Variants in STX8 observed in about 807,000 individuals in gnomAD.
STX8 encodes syntaxin 8, also known as syntaxin-8.
In STX8, 23 loss-of-function variants were observed where a neutral mutation model predicts 37.5. The ratio of observed to expected loss-of-function variants is 0.61; its 90% CI spans 0.44 to 0.87. STX8 has a LOEUF of 0.87. Ranked by LOEUF, STX8 falls within the 40% of genes least tolerant of loss-of-function variation. The pLI, the probability that STX8 is intolerant of heterozygous loss-of-function variation, is 0.00. For synonymous variants in STX8, 115 were observed against 99.1 expected, an observed-to-expected ratio of 1.16 and a Z score of -0.95; for missense variants, 313 against 284.7, an observed-to-expected ratio of 1.10 and a Z score of -0.71.
chr17:9,331,844 C>T (rs1425160306), intron 7 of STX8, among the ~76,000 whole-genome samples: 1 of 152,004 alleles, frequency 6.6e-6, no homozygotes, highest in Non-Finnish European at 1.5e-5. Context: ...CCAGCAACGT[C>T]TGGCAGACAA....
chr17:9,310,690 G>C (rs1597597586), intron 7 of STX8, among the ~76,000 whole-genome samples: 1 of 152,112 alleles, frequency 6.6e-6, no homozygotes, highest in African/African-American at 2.4e-5. Flanking sequence ...GTTCTCATTT[G>C]ATTTATAGTA....
At chr17:9,372,517 G>A (rs572899743) in intron 7 of STX8, among the ~76,000 whole-genome samples, 2 of 151,338 alleles carry the variant, frequency 1.3e-5, no homozygotes, top group African/African-American at 4.8e-5. Flanking sequence ...ATGCTTTTTT[G>A]CCCAGGCTGG....
At position 9,387,041 on chromosome 17, in the gene STX8, C is replaced by T. The variant is rs918613111; in HGVS notation, c.542-8388G>A. Among the ~76,000 whole-genome samples, 5 of 151,932 alleles carry T rather than the reference C, an allele frequency of 3.3e-5. No individual in the cohort carries two copies. The East Asian group carries it at 9.7e-4, about 29-fold the overall frequency. ...CCCCTTAAGTATTTCTAGACCAACA[C>T]AATATCAGTGTTCTTTCCTTCATAA... On this transcript the variant is annotated intron_variant, in intron 6 of 7. Transcript: ENST00000306357.
At chr17:9,499,884 ACT>A (rs1401292628) in intron 5 of STX8, among the ~76,000 whole-genome samples, 10 of 152,316 alleles carry the variant, frequency 6.6e-5, no homozygotes, top group Admixed American at 6.5e-4. Flanking sequence ...ATCCTCTCAC[ACT>A]GACCTAAAGC....
intron 7 of STX8, among the ~76,000 whole-genome samples, chr17:9,341,924 G>A (rs1910373705): frequency 6.6e-6 from 1 of 152,180 alleles, no homozygotes; most frequent in Non-Finnish European, 1.5e-5. Context: ...ACGAGACCAT[G>A]TAGAGAGACC....
chr17:9,363,613 C>T (rs926795212), intron 7 of STX8, among the ~76,000 whole-genome samples: 15 of 152,174 alleles, frequency 9.9e-5, no homozygotes, highest in African/African-American at 3.4e-4. Flanking sequence ...TACCAGAAAA[C>T]GCGTACAAAC....
At chr17:9,269,186 CAAA>C (rs34395133) in intron 7 of STX8, among the ~76,000 whole-genome samples, 8 of 124,082 alleles carry the variant, frequency 6.4e-5, no homozygotes, top group African/African-American at 8.6e-5. Flanking sequence ...GACTCCGTCT[CAAA>C]AAAAAAAAAA....
In STX8 at chr17:9,273,485, C is replaced by G. The variant is rs921802115; in HGVS notation, c.644-22840G>C. 2.0e-5 allele frequency: 3 copies of G among 152,686 alleles called. No homozygotes were observed. In the East Asian group the frequency reaches 5.8e-4, roughly 29 times the overall value. The allele number at this position is 152,686 out of a possible 1,614,324, so 9.5% of individuals were successfully genotyped here. On this transcript the variant is annotated intron_variant, in intron 7 of 7. Coordinates refer to ENST00000306357, the MANE Select transcript of STX8 (RefSeq NM_004853.3). ...AGGTCCTGGACCCAGTCTCCACCCCCAGCAGGGACCCCTCTCCCCACTGCC... is the reference window on the plus strand; with the variant it reads ...AGGTCCTGGACCCAGTCTCCACCCCGAGCAGGGACCCCTCTCCCCACTGCC...
intron 6 of STX8, among the ~76,000 whole-genome samples, chr17:9,417,248 G>A (rs1174312268): frequency 1.3e-5 from 2 of 152,160 alleles, no homozygotes; most frequent in Non-Finnish European, 2.9e-5. Context: ...TGTCTGTGTA[G>A]TGGGCAAAAA....
chr17:9,567,750 G>A (rs992891952), intron 2 of STX8, among the ~76,000 whole-genome samples: 15 of 152,220 alleles, frequency 9.9e-5, no homozygotes, highest in East Asian at 9.6e-4. Flanking sequence ...GCAGTGGCAC[G>A]ATCTTAGCTC....
At chr17:9,482,249 A>AT (rs148086656) in intron 6 of STX8, among the ~76,000 whole-genome samples, 2,056 of 150,148 alleles carry the variant, frequency 0.014, 32 homozygotes, top group African/African-American at 0.047. Context: ...CACCTACAGA[A>AT]TTTTTTTTTT....
intron 7 of STX8, among the ~76,000 whole-genome samples, chr17:9,262,466 T>G (rs749605102): frequency 1.1e-4 from 17 of 152,370 alleles, no homozygotes; most frequent in Non-Finnish European, 1.6e-4. Flanking sequence ...CTTGTCTTTA[T>G]ACTTGGTTGG....
At chr17:9,466,060 T>C (rs1041078563) in intron 6 of STX8, among the ~76,000 whole-genome samples, 4 of 152,064 alleles carry the variant, frequency 2.6e-5, no homozygotes, top group African/African-American at 9.7e-5. Context: ...AACCTCTGCC[T>C]CCTGGGTTCA....
intron 4 of STX8, among the ~76,000 whole-genome samples, chr17:9,539,620 G>C (rs566505737): frequency 1.3e-5 from 2 of 152,206 alleles, no homozygotes; most frequent in South Asian, 4.1e-4. Context: ...TTAAGGGAAA[G>C]ACACCTACCC....
At chr17:9,504,980 A>AAAAAAAAAAAAAAAAAAAAG in intron 5 of STX8, 58 bp downstream of exon 5, 1 of 1,449,266 alleles carries the variant, frequency 6.9e-7, no homozygotes, top group Non-Finnish European at 9.1e-7. Context: ...TCTCAAAAAA[A>AAAAAAAAAAAAAAAAAAAAG]AAAAAAAAAA....
intron 7 of STX8, among the ~76,000 whole-genome samples, chr17:9,280,240 G>T (rs1410310447): frequency 6.6e-6 from 1 of 152,112 alleles, no homozygotes; most frequent in East Asian, 1.9e-4. Context: ...AAGAAAAAAA[G>T]AAAATCAATG....
chr17:9,530,355 G>A (rs532379025), intron 4 of STX8, among the ~76,000 whole-genome samples: 3 of 151,148 alleles, frequency 2.0e-5, no homozygotes, highest in South Asian at 4.2e-4. Flanking sequence ...ATTCTTGTAC[G>A]TGCCTTTTGT....
intron 7 of STX8, among the ~76,000 whole-genome samples, chr17:9,263,012 C>T (rs2142129381): frequency 6.6e-6 from 1 of 152,310 alleles, no homozygotes; most frequent in South Asian, 2.1e-4. Flanking sequence ...TATTAGCATG[C>T]TTTTGCTTTA....
At chr17:9,252,761 T>G (rs1906637319) in intron 7 of STX8, among the ~76,000 whole-genome samples, 1 of 152,106 alleles carries the variant, frequency 6.6e-6, no homozygotes, top group Non-Finnish European at 1.5e-5. Context: ...GGCCCCAAGG[T>G]TTCTCCCCCG....
Sources: allele counts gnomAD v4.1 joint callset (sites outside exome capture counted in the v4.1 genomes callset), GRCh38; gene constraint gnomAD v4.1.1; transcripts MANE v1.5; gene names NCBI Gene and HGNC (gene_info 2026-07-23, HGNC 2026-07-21).